GUSB: variants seen among roughly 807,000 people sequenced by gnomAD.
GUSB encodes the protein glucuronidase beta, also known as beta-glucuronidase.
Under a neutral mutation model 74.6 loss-of-function variants are expected in GUSB, and 51 were observed. The ratio of observed to expected loss-of-function variants is 0.68; its 90% CI spans 0.55 to 0.86. The LOEUF (loss-of-function observed/expected upper bound fraction) is 0.86, where lower values mean the gene tolerates loss of function less well. Ranked by LOEUF, GUSB falls within the 40% of genes least tolerant of loss-of-function variation. The probability of loss-of-function intolerance (pLI) is 0.00; values close to 1 mark genes in which losing one functional copy is unlikely to be tolerated. For missense variants in GUSB, 736 were observed against 853.7 expected (o/e 0.86, Z 1.72); for synonymous variants, 360 against 348.3 (o/e 1.03, Z -0.37).
At chr7:65,977,783 CAGAAAA>C (rs1013784142) in intron 4 of GUSB, among the ~76,000 whole-genome samples, 94 of 151,658 alleles carry the variant, frequency 6.2e-4, no homozygotes, top group African/African-American at 2.2e-3. Flanking sequence ...AGCCTCATCT[CAGAAAA>C]AGAAAAAGAT....
At position 65,974,922 on chromosome 7, in the gene GUSB, C is replaced by G. The variant is rs554759648; in HGVS notation, c.1062G>C (p.Ala354=). ...GGACCCAGGAGCCCCAACACACGTC[C>G]GCATCCTCATGCTTGTTGACACCGT... ...YFHGVNKHED[A]DIRGKGFDWP... Residue 354 remains alanine (A), a synonymous_variant, in exon 6 of 12, where the codon GCG becomes GCC. Transcript: ENST00000304895. The G allele has an allele frequency of 3.1e-6, 5 of 1,613,682 alleles. No homozygotes were observed. Among genetic ancestry groups the G allele is most frequent in the Non-Finnish European group, 4.2e-6 (5 of 1,179,814 alleles).
intron 8 of GUSB, among the ~76,000 whole-genome samples, chr7:65,974,011 C>T (rs774948081): frequency 4.0e-5 from 6 of 151,768 alleles, no homozygotes; most frequent in Non-Finnish European, 8.8e-5. Context: ...GCAGGAGAAT[C>T]ACTTGAACCC....
At chr7:65,979,615 C>T (rs1791847205) in intron 3 of GUSB, 74 bp from the exon 4 acceptor site, 1 of 1,599,656 alleles carries the variant, frequency 6.3e-7, no homozygotes, top group Non-Finnish European at 8.6e-7. Context: ...GCCTCCCTGG[C>T]CTCCCCAGAT....
At chr7:65,970,453 G>T (rs938979629) in intron 8 of GUSB, 87 bp from the exon 9 acceptor site, 2 of 843,864 alleles carry the variant, frequency 2.4e-6, no homozygotes, top group South Asian at 1.4e-5. Context: ...ATCTTCCACC[G>T]CCAGAACACA....
At chr7:65,975,773 G>T (rs937515969) in intron 5 of GUSB, 4 of 428,724 alleles carry the variant, frequency 9.3e-6, no homozygotes, top group Non-Finnish European at 1.7e-5. Flanking sequence ...ACTGCTGCAG[G>T]CTGAGAGTTC....
chr7:65,979,027 T>C (rs1791793751), intron 4 of GUSB, among the ~76,000 whole-genome samples: 1 of 152,094 alleles, frequency 6.6e-6, no homozygotes, highest in Non-Finnish European at 1.5e-5. Context: ...AGGGCCTCCT[T>C]GCAAAGTGCT....
At position 65,967,875 on chromosome 7, in the gene GUSB, G is replaced by A; in HGVS notation, c.1509C>T (p.Ser503=). 1 of 1,603,410 alleles carries A rather than the reference G, an allele frequency of 6.2e-7. No homozygotes were observed. Among genetic ancestry groups the A allele is most frequent in the Non-Finnish European group, 8.5e-7 (1 of 1,179,838 alleles). Reference sequence around the variant, plus strand: ...CGTAGTCGTGATACCAAGAGTAGTAGCTGTTCAAACAGATCACATCCACAT... The same window carrying A: ...CGTAGTCGTGATACCAAGAGTAGTAACTGTTCAAACAGATCACATCCACAT... The part of the protein sequence containing the change: ...APYVDVICLN[S]YYSWYHDYGH... The change falls in exon 10 of 12, where the codon AGC becomes AGT. Residue 503 remains serine (S), a synonymous_variant. Coordinates refer to ENST00000304895, the MANE Select transcript of GUSB (RefSeq NM_000181.4).
chr7:65,976,277 C>A, intron 4 of GUSB, 75 bp from the exon 5 acceptor site: 2 of 985,472 alleles, frequency 2.0e-6, no homozygotes, highest in South Asian at 2.6e-5. Flanking sequence ...GCCCTGCAGC[C>A]ACCGCTGCCA....
At position 65,982,016 on chromosome 7, in the gene GUSB, G is replaced by T. The variant is rs1251069126; in HGVS notation, c.168C>A (p.Arg56=). The part of the protein sequence containing the change: ...SFRADFSDNR[R]RGFEEQWYRR... ...GGTACCACTGCTCCTCGAAGCCCCG[G>T]CGTCGGTTGTCAGAGAAGTCGGCGC... Residue 56 remains arginine, a synonymous_variant, in exon 1 of 12, where the codon CGC becomes CGA. Coordinates refer to ENST00000304895, the MANE Select transcript of GUSB (RefSeq NM_000181.4). The T allele has an allele frequency of 1.2e-6, 2 of 1,609,994 alleles. No individual in the cohort carries two copies. The highest frequency in any genetic ancestry group is 3.3e-5 in the Admixed American group (2 of 59,934).
rs1224849242 is a variant in GUSB, at chr7:65,982,006, C to T, written c.178G>A (p.Glu60Lys). The T allele has an allele frequency of 1.2e-6, 2 of 1,609,734 alleles. No homozygotes were observed. The highest frequency in any genetic ancestry group is 4.1e-4 in the Middle Eastern group (2 of 4,906). ...DFSDNRRRGFEEQWYRRPLWE... is the reference protein window; with the variant it reads ...DFSDNRRRGFKEQWYRRPLWE... Reference sequence around the variant, plus strand: ...AGCGGCCGCCGGTACCACTGCTCCTCGAAGCCCCGGCGTCGGTTGTCAGAG... The same window carrying T: ...AGCGGCCGCCGGTACCACTGCTCCTTGAAGCCCCGGCGTCGGTTGTCAGAG... The change falls in exon 1 of 12, where the codon GAG (glutamate) becomes AAG (lysine). Residue 60 changes from glutamate (E) to lysine (K), a missense_variant. This residue lies in a region of GUSB where 368 missense variants were observed against 363.8 expected (regional missense o/e 1.01). Coordinates refer to ENST00000304895, the MANE Select transcript of GUSB (RefSeq NM_000181.4).
intron 1 of GUSB, among the ~76,000 whole-genome samples, chr7:65,981,431 C>T (rs1583951673): frequency 6.6e-6 from 1 of 151,850 alleles, no homozygotes; most frequent in South Asian, 2.1e-4. Flanking sequence ...GAGGTTTCAC[C>T]CTGTTATGTT....
rs1282036764 is a variant in GUSB at position 65,982,109 on chromosome 7, G to A, written c.75C>T (p.Gly25=). ...GGCTCTCCTGGGGGTACAGCATCCC[G>A]CCCTGCAGCCCCAGCGCGCAGCCCC... The part of the protein sequence containing the change: ...LLWGCALGLQ[G]GMLYPQESPS... The change falls in exon 1 of 12, where the codon GGC becomes GGT. Residue 25 remains glycine, a synonymous_variant. Transcript: ENST00000304895. 27 of 1,585,278 alleles carry A rather than the reference G, an allele frequency of 1.7e-5. No homozygotes were observed. The highest frequency in any genetic ancestry group is 4.5e-5 in the South Asian group (4 of 88,090).
chr7:65,973,978 T>A (rs1400690016), intron 8 of GUSB, among the ~76,000 whole-genome samples: 3 of 150,330 alleles, frequency 2.0e-5, no homozygotes, highest in Non-Finnish European at 4.4e-5. Flanking sequence ...GTGCCTGTAA[T>A]CCTAGCTACT....
At chr7:65,974,792 GC>G in intron 6 of GUSB, 88 bp from the exon 7 acceptor site, 4 of 1,554,648 alleles carry the variant, frequency 2.6e-6, no homozygotes, top group Non-Finnish European at 3.5e-6. Context: ...CACCCCATGA[GC>G]CCCCTCTCCA....
At chr7:65,977,028 G>A (rs1211525393) in intron 4 of GUSB, among the ~76,000 whole-genome samples, 1 of 152,002 alleles carries the variant, frequency 6.6e-6, no homozygotes, top group African/African-American at 2.4e-5. Flanking sequence ...CCCAGAACGT[G>A]CTTACAGTAA....
chr7:65,963,602 G>A (rs1205962329), intron 11 of GUSB, among the ~76,000 whole-genome samples: 1 of 152,146 alleles, frequency 6.6e-6, no homozygotes, highest in Non-Finnish European at 1.5e-5. Flanking sequence ...CTCTTGTGCA[G>A]TGGTGCAATC....
At chr7:65,980,902 T>G in intron 1 of GUSB, 1 of 216,302 alleles carries the variant, frequency 4.6e-6, no homozygotes, top group East Asian at 1.1e-4. Flanking sequence ...GTTCCACTTC[T>G]CTGCAGATCA....
At position 65,960,815 on chromosome 7, in the gene GUSB, A is replaced by G. The variant is rs1790432676; in HGVS notation, c.*82T>C. 2 of 1,144,686 alleles carry G rather than the reference A, an allele frequency of 1.7e-6. No individual in the cohort carries two copies. The highest frequency in any genetic ancestry group is 2.7e-6 in the Non-Finnish European group (2 of 752,342). 70.9% of individuals were successfully genotyped at this position (1,144,686 alleles called of 1,614,324 possible). A position where few individuals can be genotyped will look rare whatever the true frequency, so the allele number is the denominator to read the frequency against. On this transcript the variant is annotated 3_prime_UTR_variant, in exon 12 of 12. Coordinates refer to ENST00000304895, the MANE Select transcript of GUSB (RefSeq NM_000181.4). ...AGAAACGTTCTGGTCTGCCGTGAAC[A>G]GTCCAGGAGGCACTTGTTCTGCTGC...
chr7:65,961,032 C>T lies in GUSB; in HGVS notation c.1821G>A (p.Gly607=). The T allele has an allele frequency of 6.2e-7, 1 of 1,613,690 alleles. No homozygotes were observed. Among genetic ancestry groups the T allele is most frequent in the African/African-American group, 1.3e-5 (1 of 74,916 alleles). The change falls in exon 12 of 12, where the codon GGG becomes GGA. Residue 607 remains glycine, a synonymous_variant. Coordinates refer to ENST00000304895, the MANE Select transcript of GUSB (RefSeq NM_000181.4). The stretch of plus-strand genomic sequence containing the variant: ...TTGGTTGTCTCTGCCGAGTGAAGAT[C>T]CCCTTTTTATTCCCCAGCACTCTCG... The part of the protein sequence containing the change: ...SPTRVLGNKK[G]IFTRQRQPKS...
Sources: gnomAD v4.1 joint callset for allele counts (sites outside exome capture counted in the v4.1 genomes callset) on GRCh38, gnomAD v4.1.1 for gene constraint, gnomAD v4.1.1 regional missense constraint, MANE v1.5 for transcripts, NCBI Gene and HGNC (gene_info 2026-07-23, HGNC 2026-07-21) for gene names.